The following LARP1B variants were observed in gnomAD, a reference collection of about 807,000 sequenced individuals.
The protein encoded by LARP1B is La ribonucleoprotein 1B.
LARP1B carries 76 observed loss-of-function variants against 114.2 expected under a neutral mutation model. The observed-to-expected ratio is 0.67, with a 90% CI of 0.55 to 0.81. The LOEUF is 0.81. Ranked by LOEUF, LARP1B falls within the 30% of genes least tolerant of loss-of-function variation. The pLI is 0.00. For synonymous variants in LARP1B, 345 were observed against 348.0 expected (o/e 0.99, Z 0.10); for missense variants, 1,014 against 1,075.8 (o/e 0.94, Z 0.80).
At chr4:128,205,937 G>A (rs1757455242) in intron 17 of LARP1B, among the ~76,000 whole-genome samples, 1 of 152,100 alleles carries the variant, frequency 6.6e-6, no homozygotes, top group Non-Finnish European at 1.5e-5. Flanking sequence ...GATGTGCTAC[G>A]GCTGAGTCAA....
Position 128,099,846 on chromosome 4 carries a change from C to T in LARP1B, c.813+1516C>T, listed in dbSNP as rs186845017. Among the ~76,000 whole-genome samples, 509 of 152,218 alleles carry T rather than the reference C, an allele frequency of 3.3e-3. 4 individuals are homozygous for T. Among genetic ancestry groups the T allele is most frequent in the African/African-American group, 0.012 (481 of 41,528 alleles). On this transcript the variant is annotated intron_variant, in intron 8 of 19. Transcript: ENST00000326639. ...AACCTATTGTCCAAAGTGGCTTTAC[C>T]ATTTTGCATTCCCACGATTATCTAT... is the stretch of plus-strand genomic sequence containing the variant.
intron 10 of LARP1B, among the ~76,000 whole-genome samples, chr4:128,115,040 C>T (rs1019900364): frequency 6.6e-6 from 1 of 151,888 alleles, no homozygotes; most frequent in Non-Finnish European, 1.5e-5. Context: ...CAGGTTCAAG[C>T]GATTCTCCTG....
chr4:128,218,133 G>T (rs1759672540), intron 6 of LARP1B, among the ~76,000 whole-genome samples: 3 of 119,298 alleles, frequency 2.5e-5, no homozygotes, highest in Admixed American at 9.5e-5. Flanking sequence ...CACTGCTCAA[G>T]GAAATAAAAG....
At chr4:128,133,982 C>A (rs557961325) in intron 11 of LARP1B, among the ~76,000 whole-genome samples, 1 of 151,162 alleles carries the variant, frequency 6.6e-6, no homozygotes, top group South Asian at 2.1e-4. Context: ...CAGGCGTGGG[C>A]CACTGTGCCC....
chr4:128,126,113 CTTTTTTTTTT>C (rs76050129), intron 11 of LARP1B, among the ~76,000 whole-genome samples: 3 of 136,096 alleles, frequency 2.2e-5, no homozygotes, highest in Non-Finnish European at 3.1e-5. Flanking sequence ...TTAAAATAAT[CTTTTTTTTTT>C]TTTTTTTTTT....
rs1428695643 is a variant in LARP1B, at chr4:128,159,625, C to T, written c.1525-2569C>T. Among the ~76,000 whole-genome samples, 3 of 152,116 alleles carry T rather than the reference C, an allele frequency of 2.0e-5. No homozygotes were observed. The South Asian group carries it at 6.2e-4, about 32-fold the overall frequency. ...ACATTTGTTGCAGTTCATGAACCTA[C>T]CTAGATGCATCATTCTCACTAAAAG... On this transcript the variant is annotated intron_variant, in intron 11 of 19. Coordinates refer to ENST00000326639, the MANE Select transcript of LARP1B (RefSeq NM_018078.4).
At chr4:128,070,136 G>C (rs1377216379) in intron 1 of LARP1B, among the ~76,000 whole-genome samples, 1 of 151,850 alleles carries the variant, frequency 6.6e-6, no homozygotes, top group Non-Finnish European at 1.5e-5. Flanking sequence ...GTCTAACACG[G>C]TGAAACCCTG....
chr4:128,178,287 G>C (rs1022870130), intron 13 of LARP1B, 144 bp from the exon 14 acceptor site: 1 of 606,626 alleles, frequency 1.6e-6, no homozygotes. Flanking sequence ...GGTCAAAAAA[G>C]TATTTGTTAT....
At chr4:128,073,112 C>A (rs1294086523) in intron 1 of LARP1B, among the ~76,000 whole-genome samples, 1 of 152,024 alleles carries the variant, frequency 6.6e-6, no homozygotes, top group Non-Finnish European at 1.5e-5. Context: ...ACAGATTACC[C>A]TTGAAAGATA....
At chr4:128,147,065 GAT>G (rs1419602167) in intron 11 of LARP1B, among the ~76,000 whole-genome samples, 2 of 152,166 alleles carry the variant, frequency 1.3e-5, no homozygotes, top group Non-Finnish European at 2.9e-5. Flanking sequence ...TCATTTAACA[GAT>G]ATTTGAGTAG....
intron 1 of LARP1B, among the ~76,000 whole-genome samples, chr4:128,063,715 G>T (rs1761308896): frequency 6.6e-6 from 1 of 151,696 alleles, no homozygotes; most frequent in African/African-American, 2.4e-5. Context: ...GGAGGCAGAG[G>T]TTGCAGTGAG....
At chr4:128,086,727 G>A (rs1189213484) in intron 5 of LARP1B, among the ~76,000 whole-genome samples, 1 of 152,118 alleles carries the variant, frequency 6.6e-6, no homozygotes, top group Non-Finnish European at 1.5e-5. Context: ...ATACTGCTGT[G>A]TGTATTTCAC....
At chr4:128,082,697 G>A (rs186838695) in intron 5 of LARP1B, among the ~76,000 whole-genome samples, 2 of 151,108 alleles carry the variant, frequency 1.3e-5, no homozygotes, top group East Asian at 1.9e-4. Context: ...TAGGATAATC[G>A]TATTGTAGAT....
At chr4:128,150,304 T>C (rs1224212137) in intron 11 of LARP1B, among the ~76,000 whole-genome samples, 2 of 151,378 alleles carry the variant, frequency 1.3e-5, no homozygotes, top group Non-Finnish European at 3.0e-5. Flanking sequence ...TTTTTTTTTT[T>C]TTTTCAGACA....
chr4:128,197,651 G>A (rs1452388528), intron 15 of LARP1B, among the ~76,000 whole-genome samples: 2 of 151,698 alleles, frequency 1.3e-5, no homozygotes, highest in Non-Finnish European at 2.9e-5. Context: ...CCGAGATGGC[G>A]CCACTGCACT....
At chr4:128,112,697 C>T (rs1265983262) in intron 9 of LARP1B, among the ~76,000 whole-genome samples, 1 of 151,976 alleles carries the variant, frequency 6.6e-6, no homozygotes, top group African/African-American at 2.4e-5. Context: ...TGGTCTCCAA[C>T]TCCTGACCTT....
intron 19 of LARP1B, among the ~76,000 whole-genome samples, chr4:128,209,285 G>A (rs1470990680): frequency 3.3e-5 from 5 of 152,286 alleles, no homozygotes; most frequent in African/African-American, 1.2e-4. Flanking sequence ...ACTGGGTGTG[G>A]TGGCTTGCGC....
rs530261599 is a variant in LARP1B at position 128,133,397 on chromosome 4, A to G, written c.1524+11209A>G. On this transcript the variant is annotated intron_variant, in intron 11 of 19. Transcript: ENST00000326639. ...ATGGAAAGTCATCTCATGTTCATGGATGACTTAATATTATTAACATGTCAG... is the reference window on the plus strand; with the variant it reads ...ATGGAAAGTCATCTCATGTTCATGGGTGACTTAATATTATTAACATGTCAG... Among the ~76,000 whole-genome samples the G allele has an allele frequency of 2.0e-5, 3 of 152,368 alleles. No homozygotes were observed. In the South Asian group the frequency reaches 6.2e-4, roughly 32 times the overall value.
chr4:128,122,464 T>G (rs763081384), intron 11 of LARP1B: 74 of 1,519,928 alleles, frequency 4.9e-5, no homozygotes, highest in Non-Finnish European at 5.6e-5. Flanking sequence ...GTTTTGTTTT[T>G]TTTTGTTTTT....
Sources: gnomAD v4.1 joint callset for allele counts (sites outside exome capture counted in the v4.1 genomes callset) on GRCh38, gnomAD v4.1.1 for gene constraint, MANE v1.5 for transcripts, NCBI Gene and HGNC (gene_info 2026-07-23, HGNC 2026-07-21) for gene names.